Variants in ARMH4 observed in about 807,000 individuals in gnomAD.
ARMH4 encodes the protein armadillo-like helical domain-containing protein 4.
Under a neutral mutation model 61.9 loss-of-function variants are expected in ARMH4, and 49 were observed. The ratio of observed to expected loss-of-function variants is 0.79; its 90% CI spans 0.63 to 1.00. The LOEUF is 1.00. ARMH4 is among the 50% of genes least tolerant of loss of function. ARMH4 has a pLI of 0.00. For synonymous variants in ARMH4, 368 were observed against 341.5 expected (o/e 1.08, Z -0.85); for missense variants, 934 against 930.0 (o/e 1.00, Z -0.06).
chr14:58,115,559 A>G (rs550065576), intron 4 of ARMH4, among the ~76,000 whole-genome samples: 1 of 152,332 alleles, frequency 6.6e-6, no homozygotes, highest in Non-Finnish European at 1.5e-5. Flanking sequence ...TGATTCAGCA[A>G]TCCCATTTCT....
At position 58,131,568 on chromosome 14, in the gene ARMH4, G is replaced by A. The variant is rs758405561; in HGVS notation, c.1775C>T (p.Ser592Phe). The change falls in exon 4 of 8, where the codon TCT becomes TTT. Residue 592 changes from serine to phenylalanine, a missense_variant. Coordinates refer to ENST00000267485, the MANE Select transcript of ARMH4 (RefSeq NM_001001872.4). ...GGCAGCTGTATTAACACGAGTAATA[G>A]ATGGAACAACAGTTCTTCTCTCAGA... is the stretch of plus-strand genomic sequence containing the variant. ...ASSERRTVVP[S>F]ITRVNTAASY... The A allele has an allele frequency of 2.5e-6, 4 of 1,614,220 alleles. No homozygotes were observed. The highest frequency in any genetic ancestry group is 3.4e-6 in the Non-Finnish European group (4 of 1,180,040).
Position 58,138,569 on chromosome 14 carries a change from T to C in ARMH4, c.790A>G (p.Asn264Asp), listed in dbSNP as rs1223256181. The change falls in exon 2 of 8, where the codon AAC becomes GAC. Residue 264 changes from asparagine to aspartate, a missense_variant. Physicochemically the swap from Asn to Asp is conservative, Grantham distance 23 (BLOSUM62 1). Transcript: ENST00000267485. ...TGCTTGGTGGCAGCAGCCTGGGTGT[T>C]ATCAGCTGTCATCTGCGAAGGCTTC... Reference protein sequence around the residue: ...KEKPSQMTADNTQAAATKQPL... With the variant: ...KEKPSQMTADDTQAAATKQPL... 6.2e-7 allele frequency: 1 copy of C among 1,614,192 alleles called. No homozygotes were observed. The highest frequency in any genetic ancestry group is 1.1e-5 in the South Asian group (1 of 91,078).
At chr14:58,090,763 C>A (rs1476340556) in intron 5 of ARMH4, among the ~76,000 whole-genome samples, 1 of 151,524 alleles carries the variant, frequency 6.6e-6, no homozygotes, top group Non-Finnish European at 1.5e-5. Context: ...GCCTGTAATC[C>A]CAGCTACTCG....
intron 5 of ARMH4, among the ~76,000 whole-genome samples, chr14:58,082,543 G>A (rs1885261115): frequency 6.6e-6 from 1 of 152,148 alleles, no homozygotes; most frequent in South Asian, 2.1e-4. Context: ...AGGACTTCCT[G>A]ACTCCAAATT....
At chr14:58,004,972 T>C in intron 7 of ARMH4, 76 bp downstream of exon 7, 1 of 1,591,658 alleles carries the variant, frequency 6.3e-7, no homozygotes, top group Non-Finnish European at 8.6e-7. Flanking sequence ...TTAAACCCCG[T>C]GTGCTTTATT....
chr14:58,145,325 T>C (rs924191864), intron 1 of ARMH4, among the ~76,000 whole-genome samples: 1 of 152,230 alleles, frequency 6.6e-6, no homozygotes, highest in Admixed American at 6.5e-5. Context: ...AAATCCCTTC[T>C]TCATCCATGA....
intron 5 of ARMH4, among the ~76,000 whole-genome samples, chr14:58,073,086 G>A (rs1884937010): frequency 6.6e-6 from 1 of 152,100 alleles, no homozygotes; most frequent in Non-Finnish European, 1.5e-5. Flanking sequence ...AGCAAACACA[G>A]TTCCTCTTTA....
At chr14:58,078,748 T>C (rs1029070653) in intron 5 of ARMH4, among the ~76,000 whole-genome samples, 3 of 152,228 alleles carry the variant, frequency 2.0e-5, no homozygotes, top group African/African-American at 7.2e-5. Context: ...CAAGTAGGCA[T>C]GGCTGTGTTC....
At chr14:58,009,911 G>C (rs1882336208) in intron 6 of ARMH4, among the ~76,000 whole-genome samples, 1 of 151,312 alleles carries the variant, frequency 6.6e-6, no homozygotes, top group Non-Finnish European at 1.5e-5. Flanking sequence ...ATCATTCACA[G>C]CTGATCTTAA....
chr14:58,010,233 G>A (rs1448769976), intron 6 of ARMH4, among the ~76,000 whole-genome samples: 2 of 129,682 alleles, frequency 1.5e-5, no homozygotes, highest in Non-Finnish European at 1.7e-5. Flanking sequence ...AACAGAGAGT[G>A]AGGAAGATAT....
chr14:58,009,743 G>A (rs541159519), intron 6 of ARMH4, among the ~76,000 whole-genome samples: 124 of 150,004 alleles, frequency 8.3e-4, no homozygotes, highest in African/African-American at 2.7e-3. Context: ...CCCAGGAGGC[G>A]GAGGTTGCAG....
rs1181026028 is a variant in ARMH4, at chr14:58,003,548, A to T, written c.*1188T>A. The T allele has an allele frequency of 6.6e-6, 1 of 152,186 alleles. No homozygotes were observed. The highest frequency in any genetic ancestry group is 1.5e-5 in the Non-Finnish European group (1 of 68,040). 9.4% of individuals were successfully genotyped at this position (152,186 alleles called of 1,614,324 possible). ...GCCTTTACCCCAAAACTCAACTACA[A>T]ATCCTCAATCCCTAGATTCAAATAG... On this transcript the variant is annotated 3_prime_UTR_variant, in exon 8 of 8. Coordinates refer to ENST00000267485, the MANE Select transcript of ARMH4 (RefSeq NM_001001872.4).
At chr14:58,005,817 C>T (rs1327900818) in intron 6 of ARMH4, among the ~76,000 whole-genome samples, 1 of 152,142 alleles carries the variant, frequency 6.6e-6, no homozygotes, top group Non-Finnish European at 1.5e-5. Context: ...AAGACAAGGA[C>T]AAGGGGAGAG....
intron 6 of ARMH4, among the ~76,000 whole-genome samples, chr14:58,006,325 T>C (rs1798552606): frequency 6.6e-6 from 1 of 152,226 alleles, no homozygotes; most frequent in Non-Finnish European, 1.5e-5. Flanking sequence ...TATATGACTA[T>C]TTTTTAAATT....
chr14:58,099,826 T>A (rs762824477), intron 4 of ARMH4, among the ~76,000 whole-genome samples: 1 of 152,196 alleles, frequency 6.6e-6, no homozygotes, highest in Non-Finnish European at 1.5e-5. Flanking sequence ...GCTGCATGCA[T>A]AGACTCTGAA....
intron 4 of ARMH4, among the ~76,000 whole-genome samples, chr14:58,123,448 T>C (rs1378769852): frequency 2.0e-5 from 3 of 152,104 alleles, no homozygotes; most frequent in Non-Finnish European, 2.9e-5. Context: ...CAAGGCCTAG[T>C]GAAATCATGC....
At chr14:58,043,156 T>C (rs1461197595) in intron 5 of ARMH4, among the ~76,000 whole-genome samples, 1 of 151,920 alleles carries the variant, frequency 6.6e-6, no homozygotes, top group Admixed American at 6.6e-5. Context: ...GACAAAAAAA[T>C]AGAATTTTAG....
intron 5 of ARMH4, among the ~76,000 whole-genome samples, chr14:58,045,162 T>G (rs1037956126): frequency 6.6e-6 from 1 of 152,184 alleles, no homozygotes; most frequent in African/African-American, 2.4e-5. Context: ...CACATGCACA[T>G]GTATGTTGAT....
chr14:58,149,952 A>T (rs1192980015), intron 1 of ARMH4, among the ~76,000 whole-genome samples: 1 of 152,352 alleles, frequency 6.6e-6, no homozygotes, highest in East Asian at 1.9e-4. Context: ...CAAATGGAGT[A>T]GCATTTTTTT....
Sources: allele counts gnomAD v4.1 joint callset (sites outside exome capture counted in the v4.1 genomes callset), GRCh38; gene constraint gnomAD v4.1.1; transcripts MANE v1.5; gene names NCBI Gene and HGNC (gene_info 2026-07-23, HGNC 2026-07-21).